Variants in HSD17B2 observed in about 807,000 individuals in gnomAD.
HSD17B2 encodes the protein hydroxysteroid 17-beta dehydrogenase 2.
Under a neutral mutation model 26.9 loss-of-function variants are expected in HSD17B2, and 32 were observed. The ratio of observed to expected loss-of-function variants is 1.19; its 90% CI spans 0.90 to 1.60. The LOEUF (loss-of-function observed/expected upper bound fraction) is 1.60. Among genes scored for constraint, HSD17B2 ranks in the 40% most tolerant of loss-of-function variants. The probability of loss-of-function intolerance (pLI) is 0.00; values close to 1 mark genes in which losing one functional copy is unlikely to be tolerated. For missense variants in HSD17B2, 613 were observed against 468.6 expected (o/e 1.31, Z -2.85); for synonymous variants, 246 against 186.7 (o/e 1.32, Z -2.59).
At chr16:82,066,914 T>C (rs1448391962) in intron 1 of HSD17B2, among the ~76,000 whole-genome samples, 2 of 152,238 alleles carry the variant, frequency 1.3e-5, no homozygotes, top group African/African-American at 4.8e-5. Flanking sequence ...TTCCTTCTTT[T>C]GCTTTTATAC....
At chr16:82,086,042 T>G (rs1904519258) in intron 3 of HSD17B2, among the ~76,000 whole-genome samples, 1 of 152,142 alleles carries the variant, frequency 6.6e-6, no homozygotes, top group African/African-American at 2.4e-5. Flanking sequence ...ATAAAATGGT[T>G]CAGCAGATGT....
chr16:82,065,257 C>T (rs996730611), intron 1 of HSD17B2, among the ~76,000 whole-genome samples: 2 of 152,168 alleles, frequency 1.3e-5, no homozygotes, highest in African/African-American at 4.8e-5. Flanking sequence ...AGTTTGCATG[C>T]CTTCATGGTC....
chr16:82,089,466 C>T (rs756181815), intron 3 of HSD17B2, among the ~76,000 whole-genome samples: 2 of 152,118 alleles, frequency 1.3e-5, no homozygotes, highest in East Asian at 1.9e-4. Flanking sequence ...CACTGTGAGC[C>T]CTACTGTCTT....
chr16:82,067,566 T>C (rs1416242732), intron 1 of HSD17B2, among the ~76,000 whole-genome samples: 2 of 152,194 alleles, frequency 1.3e-5, no homozygotes, highest in African/African-American at 4.8e-5. Context: ...CTGGTTTCTG[T>C]TGTAACTTTC....
At chr16:82,077,251 A>T (rs1213960840) in intron 3 of HSD17B2, among the ~76,000 whole-genome samples, 1 of 152,222 alleles carries the variant, frequency 6.6e-6, no homozygotes, top group Non-Finnish European at 1.5e-5. Flanking sequence ...GAATCACATT[A>T]CCTGACTTCA....
intron 4 of HSD17B2, chr16:82,092,586 G>T (rs905429935): frequency 6.6e-6 from 1 of 152,102 alleles, no homozygotes; most frequent in Non-Finnish European, 1.5e-5. Context: ...TTGCAGAGGG[G>T]GTGCAAGACT....
At chr16:82,088,377 C>T (rs1180429848) in intron 3 of HSD17B2, among the ~76,000 whole-genome samples, 1 of 152,140 alleles carries the variant, frequency 6.6e-6, no homozygotes, top group African/African-American at 2.4e-5. Context: ...TTAACTTTCG[C>T]AACGATCCTA....
chr16:82,075,514 T>C (rs1347424694), intron 3 of HSD17B2, among the ~76,000 whole-genome samples: 1 of 151,856 alleles, frequency 6.6e-6, no homozygotes, highest in Admixed American at 6.6e-5. Flanking sequence ...CCAATAAAAA[T>C]CAGAGATGAC....
intron 2 of HSD17B2, among the ~76,000 whole-genome samples, chr16:82,069,588 T>G (rs1271911599): frequency 6.6e-6 from 1 of 152,210 alleles, no homozygotes; most frequent in Non-Finnish European, 1.5e-5. Context: ...TTTGCCTCTG[T>G]CTCCCCACAA....
intron 1 of HSD17B2, among the ~76,000 whole-genome samples, chr16:82,049,632 C>G (rs1379282272): frequency 6.6e-6 from 1 of 152,172 alleles, no homozygotes; most frequent in Non-Finnish European, 1.5e-5. Flanking sequence ...AGGAAACAGC[C>G]CTGGGGCTTT....
chr16:82,046,083 GTGAT>G (rs1248118980), intron 1 of HSD17B2, among the ~76,000 whole-genome samples: 1 of 152,236 alleles, frequency 6.6e-6, no homozygotes, highest in Non-Finnish European at 1.5e-5. Flanking sequence ...AGCAGGATGT[GTGAT>G]TGATGTGAGC....
intron 1 of HSD17B2, among the ~76,000 whole-genome samples, chr16:82,055,298 G>T (rs1914232520): frequency 1.3e-5 from 2 of 152,196 alleles, no homozygotes; most frequent in Non-Finnish European, 2.9e-5. Flanking sequence ...ACTCTTCCGT[G>T]AACATGGCAT....
At chr16:82,060,725 C>A (rs1914413509) in intron 1 of HSD17B2, among the ~76,000 whole-genome samples, 1 of 152,162 alleles carries the variant, frequency 6.6e-6, no homozygotes, top group African/African-American at 2.4e-5. Context: ...AAGATACCAA[C>A]CCCGTAAGCA....
At chr16:82,067,214 C>G (rs1183097601) in intron 1 of HSD17B2, among the ~76,000 whole-genome samples, 1 of 152,220 alleles carries the variant, frequency 6.6e-6, no homozygotes, top group Non-Finnish European at 1.5e-5. Context: ...GCGGGCATGT[C>G]TGACTACCAA....
chr16:82,057,629 A>G (rs567412940), intron 1 of HSD17B2, among the ~76,000 whole-genome samples: 2 of 152,354 alleles, frequency 1.3e-5, no homozygotes, highest in African/African-American at 4.8e-5. Flanking sequence ...AACATCTTCC[A>G]GGTCAACATC....
At chr16:82,073,872 A>G (rs1034051851) in intron 3 of HSD17B2, among the ~76,000 whole-genome samples, 5 of 152,226 alleles carry the variant, frequency 3.3e-5, no homozygotes, top group Non-Finnish European at 7.3e-5. Flanking sequence ...ATATGGAACC[A>G]AAAAAGAACA....
chr16:82,067,692 C>G (rs761683943), intron 1 of HSD17B2, among the ~76,000 whole-genome samples: 1 of 152,204 alleles, frequency 6.6e-6, no homozygotes, highest in Admixed American at 6.5e-5. Flanking sequence ...CATGAACTGG[C>G]CCCCATGGGC....
chr16:82,098,057 C>A lies in HSD17B2; in HGVS notation c.803-18C>A, dbSNP rs777241447. 2 of 1,596,042 alleles carry A rather than the reference C, an allele frequency of 1.3e-6. No homozygotes were observed. The highest frequency in any genetic ancestry group is 1.7e-5 in the Admixed American group (1 of 59,108). ...TGGCCTTCCCAGGATCTGACTCTTCCCTTTCCTTTCACCCCAGATATCGCA... is the reference window on the plus strand; with the variant it reads ...TGGCCTTCCCAGGATCTGACTCTTCACTTTCCTTTCACCCCAGATATCGCA... On this transcript the variant is annotated intron_variant, in intron 4 of 4. Coordinates refer to ENST00000199936, the MANE Select transcript of HSD17B2 (RefSeq NM_002153.3).
chr16:82,069,358 A>ATTC (rs1914645234), intron 2 of HSD17B2, among the ~76,000 whole-genome samples: 3 of 152,184 alleles, frequency 2.0e-5, no homozygotes, highest in Admixed American at 1.3e-4. Flanking sequence ...TTTTGTGACT[A>ATTC]GGGCTGCAAC....
Sources: allele counts gnomAD v4.1 joint callset (sites outside exome capture counted in the v4.1 genomes callset), GRCh38; gene constraint gnomAD v4.1.1; transcripts MANE v1.5; gene names NCBI Gene and HGNC (gene_info 2026-07-23, HGNC 2026-07-21).